The following NLRC5 variants were observed in gnomAD, a reference collection of about 807,000 sequenced individuals.
NLRC5 encodes NLR family CARD domain containing 5, also known as protein NLRC5.
In NLRC5, 114 loss-of-function variants were observed where a neutral mutation model predicts 206.9. The observed-to-expected ratio is 0.55, with a 90% CI of 0.47 to 0.64. The LOEUF (loss-of-function observed/expected upper bound fraction) is 0.64, where lower values mean the gene tolerates loss of function less well. Ranked by LOEUF, NLRC5 falls within the 30% of genes least tolerant of loss-of-function variation. The probability of loss-of-function intolerance (pLI) is 0.00; values close to 1 mark genes in which losing one functional copy is unlikely to be tolerated. For synonymous variants in NLRC5, 952 were observed against 962.8 expected (o/e 0.99, Z 0.21); for missense variants, 2,008 against 2,305.5 (o/e 0.87, Z 2.64).
intron 48 of NLRC5, among the ~76,000 whole-genome samples, chr16:57,081,916 CT>C: frequency 6.6e-6 from 1 of 152,358 alleles, no homozygotes; most frequent in African/African-American, 2.4e-5. Context: ...ATATAAAGCA[CT>C]GAACCCAATG....
At chr16:57,034,317 T>G in intron 13 of NLRC5, 66 bp downstream of exon 13, 49 of 882,398 alleles carry the variant, frequency 5.6e-5, no homozygotes, top group East Asian at 1.2e-4. Flanking sequence ...GGGCAGGGCC[T>G]CGCCTTTGGG....
At chr16:56,998,941 C>T (rs1253176231) in intron 1 of NLRC5, among the ~76,000 whole-genome samples, 1 of 152,220 alleles carries the variant, frequency 6.6e-6, no homozygotes, top group Non-Finnish European at 1.5e-5. Flanking sequence ...GCTGCTGTAA[C>T]AAAGTGCCAG....
intron 15 of NLRC5, among the ~76,000 whole-genome samples, chr16:57,038,807 C>T (rs1466495615): frequency 1.3e-5 from 2 of 151,798 alleles, no homozygotes; most frequent in African/African-American, 2.4e-5. Context: ...TGGTGGCGTG[C>T]ACCTGTAATT....
At chr16:57,009,592 C>CA (rs1190434590) in intron 1 of NLRC5, among the ~76,000 whole-genome samples, 211 of 145,840 alleles carry the variant, frequency 1.4e-3, no homozygotes, top group Middle Eastern at 3.5e-3. Context: ...GACTCCATTT[C>CA]AAAAAAAAAA....
At chr16:57,069,645 C>T in intron 36 of NLRC5, 191 bp from the exon 37 acceptor site, 1 of 603,262 alleles carries the variant, frequency 1.7e-6, no homozygotes, top group Non-Finnish European at 3.0e-6. Context: ...TGAACTAGTC[C>T]ATGCTTCTGC....
chr16:57,025,258 T>C lies in NLRC5; in HGVS notation c.425-110T>C. The stretch of plus-strand genomic sequence containing the variant: ...TGACACCCCCACCCTCACCCCATCA[T>C]ACATACACATCTGGGGCTACAGGCT... On this transcript the variant is annotated intron_variant, in intron 5 of 48. Coordinates refer to ENST00000688547, the MANE Select transcript of NLRC5 (RefSeq NM_001384950.1). 4.8e-6 allele frequency: 7 copies of C among 1,470,882 alleles called. No individual in the cohort carries two copies. The South Asian group carries it at 1.0e-4, about 22-fold the overall frequency. 91.1% of individuals were successfully genotyped at this position (1,470,882 alleles called of 1,614,324 possible).
rs552271020 is a variant in NLRC5 at position 57,015,806 on chromosome 16, A to G, written c.-127-1268A>G. On this transcript the variant is annotated intron_variant, in intron 1 of 48. Coordinates refer to ENST00000688547, the MANE Select transcript of NLRC5 (RefSeq NM_001384950.1). The stretch of plus-strand genomic sequence containing the variant: ...GCCGGGTGTAGTGGCACATGCCTGT[A>G]ATCCCACTACTTGGGAGGCTGAGGC... Among the ~76,000 whole-genome samples the G allele has an allele frequency of 2.2e-3, 338 of 151,480 alleles. 1 individual carries two copies. The highest frequency in any genetic ancestry group is 3.3e-3 in the Non-Finnish European group (221 of 67,836).
At chr16:57,033,082 C>T (rs1310791360) in intron 11 of NLRC5, among the ~76,000 whole-genome samples, 1 of 152,158 alleles carries the variant, frequency 6.6e-6, no homozygotes, top group Non-Finnish European at 1.5e-5. Context: ...TCCCCTAACG[C>T]TCCCTCAGCC....
chr16:57,034,417 C>A (rs112644054), intron 13 of NLRC5, 166 bp downstream of exon 13: 7 of 617,938 alleles, frequency 1.1e-5, no homozygotes, highest in South Asian at 3.8e-5. Flanking sequence ...GCACTTGTCC[C>A]GGGTCAGGTG....
intron 23 of NLRC5, among the ~76,000 whole-genome samples, chr16:57,050,448 C>T (rs932802311): frequency 3.3e-5 from 5 of 152,248 alleles, no homozygotes; most frequent in Non-Finnish European, 7.3e-5. Context: ...GGGCCAGGCC[C>T]TTGGAGGCCC....
intron 36 of NLRC5, among the ~76,000 whole-genome samples, chr16:57,068,355 C>T (rs112883694): frequency 0.02 from 2,964 of 151,626 alleles, 38 homozygotes; most frequent in Middle Eastern, 0.072. Context: ...TGCTTGAACC[C>T]GGGAGGCTGA....
intron 2 of NLRC5, among the ~76,000 whole-genome samples, chr16:57,018,367 C>G (rs2060300663): frequency 6.6e-6 from 1 of 152,240 alleles, no homozygotes; most frequent in African/African-American, 2.4e-5. Context: ...CTGTCATGGA[C>G]TTGCTGTGTG....
At position 57,058,058 on chromosome 16, in the gene NLRC5, C is replaced by A; in HGVS notation, c.3747-7C>A. 20 of 1,610,878 alleles carry A rather than the reference C, an allele frequency of 1.2e-5. No individual in the cohort carries two copies. Among genetic ancestry groups the A allele is most frequent in the Non-Finnish European group, 1.5e-5 (18 of 1,178,506 alleles). ...TGATCCCCGCCACTGCTCCTTACCC[C>A]CTACAGTCTCTCAGCAAACCTGCTG... On this transcript the variant is annotated splice_polypyrimidine_tract_variant and splice_region_variant and intron_variant, in intron 27 of 48. Transcript: ENST00000688547.
In NLRC5 at chr16:57,047,655, G is replaced by A. The variant is rs761879404; in HGVS notation, c.3422+27G>A. The A allele has an allele frequency of 3.2e-6, 5 of 1,586,070 alleles. No individual in the cohort carries two copies. The African/African-American group carries it at 5.4e-5, about 17-fold the overall frequency. On this transcript the variant is annotated intron_variant, in intron 23 of 48. Transcript: ENST00000688547. Reference sequence around the variant, plus strand: ...TAAGTAACGAGGACACAGCCCCAGAGGGCACCATGTGGGGATCTGCCCAGT... The same window carrying A: ...TAAGTAACGAGGACACAGCCCCAGAAGGCACCATGTGGGGATCTGCCCAGT...
intron 43 of NLRC5, 67 bp downstream of exon 43, chr16:57,078,087 G>GA: frequency 7.4e-7 from 1 of 1,345,968 alleles, no homozygotes; most frequent in Non-Finnish European, 1.0e-6. Flanking sequence ...GCAGTGGGGG[G>GA]GTCCAGGCCC....
chr16:57,025,591 G>A lies in NLRC5; in HGVS notation c.648G>A (p.Arg216=), dbSNP rs1399740850. ...DVSISDLFNT[R]VNKGPRVTVL... ...GCATCTCGGACCTCTTCAACACCAG[G>A]GTTAACAAGGGCCCGAGGGTGACCG... The change falls in exon 6 of 49, where the codon AGG becomes AGA. Residue 216 remains arginine, a synonymous_variant. Transcript: ENST00000688547. The A allele has an allele frequency of 1.2e-6, 2 of 1,614,138 alleles. No individual in the cohort carries two copies. The highest frequency in any genetic ancestry group is 1.7e-5 in the Admixed American group (1 of 60,032).
At position 57,047,550 on chromosome 16, in the gene NLRC5, G is replaced by T. The variant is rs1395172014; in HGVS notation, c.3344G>T (p.Ser1115Ile). 6.2e-7 allele frequency: 1 copy of T among 1,611,838 alleles called. No individual in the cohort carries two copies. Among genetic ancestry groups the T allele is most frequent in the Non-Finnish European group, 8.5e-7 (1 of 1,179,136 alleles). ...QRCIPRSLCL[S>I]ECPLEPPSLT... Reference sequence around the variant, plus strand: ...TGCCCATTGCCCCTTTGCAGCCTCAGTGAGTGTCCTCTGGAGCCCCCAAGC... The same window carrying T: ...TGCCCATTGCCCCTTTGCAGCCTCATTGAGTGTCCTCTGGAGCCCCCAAGC... Residue 1115 changes from serine to isoleucine, a missense_variant, in exon 23 of 49, where the codon AGT (serine) becomes ATT (isoleucine). Coordinates refer to ENST00000688547, the MANE Select transcript of NLRC5 (RefSeq NM_001384950.1).
chr16:57,018,356 T>A (rs1432667405), intron 2 of NLRC5, among the ~76,000 whole-genome samples: 1 of 152,258 alleles, frequency 6.6e-6, no homozygotes, highest in Non-Finnish European at 1.5e-5. Context: ...TCCTCCTGCC[T>A]CTGTCATGGA....
chr16:57,013,748 T>A, intron 1 of NLRC5: 1 of 720,620 alleles, frequency 1.4e-6, no homozygotes, highest in South Asian at 1.5e-5. Context: ...ACGTTTACAA[T>A]TTTTTATCCT....
Sources: allele counts gnomAD v4.1 joint callset (sites outside exome capture counted in the v4.1 genomes callset), GRCh38; gene constraint gnomAD v4.1.1; transcripts MANE v1.5; gene names NCBI Gene and HGNC (gene_info 2026-07-23, HGNC 2026-07-21).